The following FBXO11 variants were observed in gnomAD, a reference collection of about 807,000 sequenced individuals.
FBXO11 encodes the protein F-box only protein 11.
FBXO11 carries 13 observed loss-of-function variants against 117.0 expected under a neutral mutation model. The observed-to-expected ratio is 0.11, with a 90% CI of 0.07 to 0.18. The LOEUF is 0.18. Ranked by LOEUF, FBXO11 falls within the 10% of genes least tolerant of loss-of-function variation. The pLI is 1.00. For missense variants in FBXO11, 767 were observed against 1,164.4 expected, an observed-to-expected ratio of 0.66 and a Z score of 4.97; for synonymous variants, 490 against 380.5, an observed-to-expected ratio of 1.29 and a Z score of -3.35.
intron 1 of FBXO11, among the ~76,000 whole-genome samples, chr2:47,886,901 T>C (rs559477505): frequency 1.3e-5 from 2 of 152,132 alleles, no homozygotes; most frequent in Non-Finnish European, 2.9e-5. Flanking sequence ...TAACTGAGCA[T>C]AGTGGCACAT....
chr2:47,837,923 T>C (rs1672712932), intron 4 of FBXO11, among the ~76,000 whole-genome samples: 1 of 151,940 alleles, frequency 6.6e-6, no homozygotes, highest in Non-Finnish European at 1.5e-5. Context: ...ACAGCATTTT[T>C]TTCATCTTAT....
intron 1 of FBXO11, among the ~76,000 whole-genome samples, chr2:47,876,988 T>G (rs1416421943): frequency 6.6e-6 from 1 of 152,158 alleles, no homozygotes; most frequent in Non-Finnish European, 1.5e-5. Context: ...AATCACTGTT[T>G]CATTGACCAT....
rs556558323 is a variant in FBXO11 at position 47,844,426 on chromosome 2, C to G, written c.233-4657G>C. The stretch of plus-strand genomic sequence containing the variant: ...GTTTCAGATATATTTTGAAAAGGCC[C>G]AAGGCCATATATCCTATCCCCATAT... On this transcript the variant is annotated intron_variant, in intron 1 of 22. Coordinates refer to ENST00000403359, the MANE Select transcript of FBXO11 (RefSeq NM_001190274.2). 1.3e-4 allele frequency among the ~76,000 whole-genome samples: 20 copies of G among 152,248 alleles called. 1 individual carries two copies. Among genetic ancestry groups the G allele is most frequent in the African/African-American group, 4.6e-4 (19 of 41,532 alleles).
At position 47,808,138 on chromosome 2, in the gene FBXO11, T is replaced by G; in HGVS notation, c.2764A>C (p.Asn922His). 1 of 1,612,474 alleles carries G rather than the reference T, an allele frequency of 6.2e-7. No individual in the cohort carries two copies. The highest frequency in any genetic ancestry group is 8.5e-7 in the Non-Finnish European group (1 of 1,179,706). ...GGAATTCAGTTGTGCTGCAATGTAT[T>G]AGATTCTATAGGTGGAGCAGAGTCA... is the stretch of plus-strand genomic sequence containing the variant. ...LYDSAPPIES[N>H]TLQHN Residue 922 changes from asparagine (N) to histidine (H), a missense_variant, in exon 23 of 23, where the codon AAT (asparagine) becomes CAT (histidine). Physicochemically the swap from Asn to His is moderately conservative, Grantham distance 68. Coordinates refer to ENST00000403359, the MANE Select transcript of FBXO11 (RefSeq NM_001190274.2).
intron 1 of FBXO11, among the ~76,000 whole-genome samples, chr2:47,898,689 C>A (rs1677861442): frequency 6.6e-6 from 1 of 152,002 alleles, no homozygotes; most frequent in Admixed American, 6.6e-5. Context: ...AATGTGAAAC[C>A]AGATAAGTCA....
chr2:47,882,663 T>C (rs1410721159), intron 1 of FBXO11, among the ~76,000 whole-genome samples: 1 of 152,240 alleles, frequency 6.6e-6, no homozygotes, highest in East Asian at 1.9e-4. Flanking sequence ...TTCTGTACTA[T>C]TTTTTGAGAC....
intron 11 of FBXO11, among the ~76,000 whole-genome samples, chr2:47,827,565 C>T (rs1671851983): frequency 6.6e-6 from 1 of 152,184 alleles, no homozygotes; most frequent in African/African-American, 2.4e-5. Flanking sequence ...CCTCGGCTTC[C>T]CGAAGTGCTG....
intron 1 of FBXO11, among the ~76,000 whole-genome samples, chr2:47,900,976 T>A (rs1296673601): frequency 6.9e-6 from 1 of 144,834 alleles, no homozygotes; most frequent in Non-Finnish European, 1.5e-5. Flanking sequence ...TCAGTACGTA[T>A]AATATTACAT....
intron 2 of FBXO11, 22 bp from the exon 3 acceptor site, chr2:47,839,522 T>A (rs780980372): frequency 1.2e-6 from 2 of 1,610,808 alleles, no homozygotes; most frequent in Non-Finnish European, 1.7e-6. Flanking sequence ...AAACAGAAAC[T>A]AGTAAAGCAA....
chr2:47,809,840 G>T, intron 19 of FBXO11, 133 bp from the exon 20 acceptor site: 1 of 586,224 alleles, frequency 1.7e-6, no homozygotes, highest in Non-Finnish European at 3.0e-6. Flanking sequence ...TGAATAAAAT[G>T]TAGATACCTA....
chr2:47,877,686 CGTTTT>C (rs1038687610), intron 1 of FBXO11, among the ~76,000 whole-genome samples: 21 of 152,072 alleles, frequency 1.4e-4, no homozygotes, highest in African/African-American at 2.2e-4. Context: ...TTTTTCGTTT[CGTTTT>C]GTTTTGTTTT....
Position 47,904,053 on chromosome 2 carries a change from G to C in FBXO11, c.232+1436C>G, listed in dbSNP as rs568322923. Among the ~76,000 whole-genome samples the C allele has an allele frequency of 8.5e-5, 13 of 152,304 alleles. No individual in the cohort carries two copies. The South Asian group carries it at 2.7e-3, about 32-fold the overall frequency. On this transcript the variant is annotated intron_variant, in intron 1 of 22. Transcript: ENST00000403359. ...CTAAGACTACCTTTAACAGTGACTGGTGAAAGCCTTTTAAACTATTTTCCG... is the reference window on the plus strand; with the variant it reads ...CTAAGACTACCTTTAACAGTGACTGCTGAAAGCCTTTTAAACTATTTTCCG...
intron 11 of FBXO11, among the ~76,000 whole-genome samples, chr2:47,824,739 G>A (rs1296072715): frequency 2.0e-5 from 3 of 152,100 alleles, no homozygotes; most frequent in Non-Finnish European, 2.9e-5. Context: ...TGGAATTATG[G>A]ATAATTATGT....
At position 47,905,473 on chromosome 2, in the gene FBXO11, G is replaced by A. The variant is rs778707751; in HGVS notation, c.232+16C>T. ...TGCCCGGGAAGGCGGGCGGTTGGGA[G>A]GTAGCGCGGCCTTACCCCGCTCGCC... is the stretch of plus-strand genomic sequence containing the variant. On this transcript the variant is annotated intron_variant, in intron 1 of 22. Coordinates refer to ENST00000403359, the MANE Select transcript of FBXO11 (RefSeq NM_001190274.2). 4.9e-6 allele frequency: 6 copies of A among 1,223,418 alleles called. No homozygotes were observed. Among genetic ancestry groups the A allele is most frequent in the South Asian group, 3.4e-5 (1 of 29,094 alleles). The allele number at this position is 1,223,418 out of a possible 1,614,324, so 75.8% of individuals were successfully genotyped here.
At chr2:47,892,889 A>G (rs139114243) in intron 1 of FBXO11, among the ~76,000 whole-genome samples, 7 of 152,270 alleles carry the variant, frequency 4.6e-5, no homozygotes, top group South Asian at 2.1e-4. Context: ...TCAAAATGCT[A>G]TAACATAATC....
At chr2:47,828,236 C>T (rs1259166562) in intron 11 of FBXO11, among the ~76,000 whole-genome samples, 1 of 152,158 alleles carries the variant, frequency 6.6e-6, no homozygotes, top group African/African-American at 2.4e-5. Flanking sequence ...CTGCCTCAAC[C>T]TCCCGAAGTG....
At position 47,887,517 on chromosome 2, in the gene FBXO11, G is replaced by A. The variant is rs550027416; in HGVS notation, c.232+17972C>T. Among the ~76,000 whole-genome samples, 5 of 152,030 alleles carry A rather than the reference G, an allele frequency of 3.3e-5. No individual in the cohort carries two copies. The South Asian group carries it at 1.0e-3, about 32-fold the overall frequency. ...CTGAGGTGGGAGGATCGCTTAAGGTGAAGAGTTCAAGACCAACCTAGGAGA... is the reference window on the plus strand; with the variant it reads ...CTGAGGTGGGAGGATCGCTTAAGGTAAAGAGTTCAAGACCAACCTAGGAGA... On this transcript the variant is annotated intron_variant, in intron 1 of 22. Transcript: ENST00000403359.
chr2:47,810,674 T>G (rs1196363010), intron 18 of FBXO11: 2 of 360,968 alleles, frequency 5.5e-6, no homozygotes, highest in African/African-American at 2.1e-5. Context: ...GGTCCATGTC[T>G]AAGTTTACTC....
rs758288877 is a variant in FBXO11, at chr2:47,832,818, T to G, written c.1104A>C (p.Val368=). 3 of 1,614,038 alleles carry G rather than the reference T, an allele frequency of 1.9e-6. No individual in the cohort carries two copies. The highest frequency in any genetic ancestry group is 1.1e-5 in the South Asian group (1 of 91,086). ...HNAHHCLEIT[V]NCSPIIDHCI... ...AGTGATCAATAATAGGGCTACAATT[T>G]ACTGTAATCTCTAAGCAGTGGTGTG... The change falls in exon 9 of 23, where the codon GTA becomes GTC. Residue 368 remains valine (V), a synonymous_variant. Transcript: ENST00000403359.
Sources: allele counts gnomAD v4.1 joint callset (sites outside exome capture counted in the v4.1 genomes callset), GRCh38; gene constraint gnomAD v4.1.1; transcripts MANE v1.5; gene names NCBI Gene and HGNC (gene_info 2026-07-23, HGNC 2026-07-21).